The following TRMT9B variants were observed in gnomAD, a reference collection of about 807,000 sequenced individuals.
The protein encoded by TRMT9B is tRNA methyltransferase 9B (putative), also known as probable tRNA methyltransferase 9B.
In TRMT9B, 16 loss-of-function variants were observed where a neutral mutation model predicts 11.5. The observed-to-expected ratio is 1.39, with a 90% CI of 0.94 to 2.11. TRMT9B has a LOEUF of 2.11. Among genes scored for constraint, TRMT9B ranks in the 30% most tolerant of loss-of-function variants. The pLI is 0.00. For missense variants in TRMT9B, 941 were observed against 553.8 expected, an observed-to-expected ratio of 1.70 and a Z score of -7.02; for synonymous variants, 274 against 192.4, an observed-to-expected ratio of 1.42 and a Z score of -3.51.
At position 12,952,211 on chromosome 8, in the gene TRMT9B, G is replaced by A. The variant is rs748364262; in HGVS notation, c.-200+6245G>A. ...CGTGCGGAAAGCGCCGGCGACCGGA[G>A]CACTGACAATGGTCTGCATAGGGGA... On this transcript the variant is annotated intron_variant, in intron 1 of 4. Transcript: ENST00000524591. 5 of 450,818 alleles carry A rather than the reference G, an allele frequency of 1.1e-5. No homozygotes were observed. The Admixed American group carries it at 1.2e-4, about 11-fold the overall frequency. The allele number at this position is 450,818 out of a possible 1,614,324, so 27.9% of individuals were successfully genotyped here.
chr8:13,018,918 C>A (rs1160892732), intron 4 of TRMT9B, among the ~76,000 whole-genome samples: 1 of 152,108 alleles, frequency 6.6e-6, no homozygotes, highest in African/African-American at 2.4e-5. Context: ...CACAAACATG[C>A]AGAAAATGTG....
chr8:12,972,305 G>T lies in TRMT9B; in HGVS notation c.-199-18529G>T, dbSNP rs182661326. 2.0e-3 allele frequency among the ~76,000 whole-genome samples: 308 copies of T among 152,292 alleles called. 2 individuals carry two copies. The highest frequency in any genetic ancestry group is 3.3e-3 in the Non-Finnish European group (225 of 68,022). ...CCCAGACTCCCGTGGAGGCGGGGCT[G>T]GCCGGCTGGTGCGGAGACTTTGAGA... On this transcript the variant is annotated intron_variant, in intron 1 of 4. Transcript: ENST00000524591.
At chr8:13,009,887 G>T (rs1009945922) in intron 3 of TRMT9B, among the ~76,000 whole-genome samples, 2 of 152,114 alleles carry the variant, frequency 1.3e-5, no homozygotes, top group African/African-American at 4.8e-5. Context: ...CTAGCACTTT[G>T]GGAGGTGTGG....
intron 4 of TRMT9B, among the ~76,000 whole-genome samples, chr8:13,020,706 CTTTATGGA>C (rs1461498727): frequency 6.6e-6 from 1 of 152,158 alleles, no homozygotes; most frequent in Non-Finnish European, 1.5e-5. Flanking sequence ...CTGGAAGAGA[CTTTATGGA>C]TTTATGGACT....
Position 13,025,842 on chromosome 8 carries a change from C to T in TRMT9B, c.*3798C>T, listed in dbSNP as rs1421643288. The T allele has an allele frequency of 6.0e-6, 1 of 166,828 alleles. No individual in the cohort carries two copies. Among genetic ancestry groups the T allele is most frequent in the African/African-American group, 2.4e-5 (1 of 41,436 alleles). 10.3% of individuals were successfully genotyped at this position (166,828 alleles called of 1,614,324 possible). ...TCTCGTTTGCCTTTCTATTTCCTTC[C>T]AAATTCTACATGCCAGTAATTCCTC... On this transcript the variant is annotated 3_prime_UTR_variant, in exon 5 of 5. Coordinates refer to ENST00000524591, the MANE Select transcript of TRMT9B (RefSeq NM_020844.3).
At chr8:12,975,194 C>T (rs574468702) in intron 1 of TRMT9B, among the ~76,000 whole-genome samples, 1 of 152,030 alleles carries the variant, frequency 6.6e-6, no homozygotes, top group East Asian at 1.9e-4. Flanking sequence ...ATAGTTCATC[C>T]TCATCTCTCT....
intron 1 of TRMT9B, among the ~76,000 whole-genome samples, chr8:12,986,242 T>C (rs938788570): frequency 1.3e-5 from 2 of 152,178 alleles, no homozygotes; most frequent in Admixed American, 1.3e-4. Context: ...AGAGACAATA[T>C]GCCCAAGTCT....
intron 3 of TRMT9B, chr8:13,010,555 A>G: frequency 1.0e-6 from 1 of 985,270 alleles, no homozygotes; most frequent in Non-Finnish European, 1.2e-6. Flanking sequence ...GGCCATTAGA[A>G]ATGAATAGGG....
chr8:13,012,069 T>C lies in TRMT9B; in HGVS notation c.155-615T>C, dbSNP rs567257783. 1.6e-5 allele frequency: 16 copies of C among 985,368 alleles called. No homozygotes were observed. In the African/African-American group the frequency reaches 1.9e-4, roughly 12 times the overall value. The allele number at this position is 985,368 out of a possible 1,614,324, so 61.0% of individuals were successfully genotyped here. A position where few individuals can be genotyped will look rare whatever the true frequency, so the allele number is the denominator to read the frequency against. ...CGTGGTCTCTCGGATACTAGAACTATCTTTCTTGCCTTGGACCAGCTAACG... is the reference window on the plus strand; with the variant it reads ...CGTGGTCTCTCGGATACTAGAACTACCTTTCTTGCCTTGGACCAGCTAACG... On this transcript the variant is annotated intron_variant, in intron 3 of 4. Transcript: ENST00000524591.
intron 2 of TRMT9B, 67 bp downstream of exon 2, chr8:12,991,098 G>A (rs1807254754): frequency 5.4e-6 from 4 of 735,362 alleles, no homozygotes; most frequent in Admixed American, 4.3e-5. Flanking sequence ...TGCATATTTA[G>A]TGAACCTAAT....
Position 12,999,487 on chromosome 8 carries a change from A to G in TRMT9B, c.-1-6715A>G, listed in dbSNP as rs1164676077. 2.6e-5 allele frequency among the ~76,000 whole-genome samples: 4 copies of G among 152,288 alleles called. No individual in the cohort carries two copies. In the East Asian group the frequency reaches 5.8e-4, roughly 22 times the overall value. On this transcript the variant is annotated intron_variant, in intron 2 of 4. Transcript: ENST00000524591. ...ACATCAAATTATATACTTTAAATAT[A>G]TGCAGTTTGTTATATGTCAATTATA...
intron 2 of TRMT9B, among the ~76,000 whole-genome samples, chr8:13,000,926 G>C (rs541029405): frequency 6.6e-6 from 1 of 152,094 alleles, no homozygotes; most frequent in African/African-American, 2.4e-5. Flanking sequence ...ACCTCAGGAC[G>C]CAAGGCTGGT....
intron 1 of TRMT9B, among the ~76,000 whole-genome samples, chr8:12,987,468 A>T (rs927477990): frequency 6.6e-6 from 1 of 152,128 alleles, no homozygotes; most frequent in African/African-American, 2.4e-5. Context: ...AGGCAGGAGG[A>T]CTGTTTGAGC....
chr8:12,980,986 G>A (rs980376007), intron 1 of TRMT9B, among the ~76,000 whole-genome samples: 2 of 151,930 alleles, frequency 1.3e-5, no homozygotes, highest in African/African-American at 2.4e-5. Context: ...CATGATAGAA[G>A]CAACACATTG....
At chr8:12,947,848 T>A (rs1800338284) in intron 1 of TRMT9B, among the ~76,000 whole-genome samples, 1 of 152,208 alleles carries the variant, frequency 6.6e-6, no homozygotes, top group African/African-American at 2.4e-5. Flanking sequence ...ATTGAATTGG[T>A]CACATTTGGA....
Position 13,027,897 on chromosome 8 carries a change from A to C in TRMT9B, c.*5853A>C, listed in dbSNP as rs1814884127. The C allele has an allele frequency of 6.0e-6, 1 of 167,096 alleles. No homozygotes were observed. The highest frequency in any genetic ancestry group is 1.5e-5 in the Non-Finnish European group (1 of 68,128). 10.4% of individuals were successfully genotyped at this position (167,096 alleles called of 1,614,324 possible). ...AAAATTATGATTATTTTGATTATTT[A>C]ATGATTGTTTTGATAGTATAAACTC... On this transcript the variant is annotated 3_prime_UTR_variant, in exon 5 of 5. Transcript: ENST00000524591.
intron 2 of TRMT9B, among the ~76,000 whole-genome samples, chr8:13,000,932 C>T (rs1481935229): frequency 6.6e-6 from 1 of 152,072 alleles, no homozygotes; most frequent in African/African-American, 2.4e-5. Flanking sequence ...GGACGCAAGG[C>T]TGGTACTGTA....
chr8:12,962,593 C>T (rs369319034), intron 1 of TRMT9B, among the ~76,000 whole-genome samples: 38 of 152,148 alleles, frequency 2.5e-4, no homozygotes, highest in African/African-American at 8.9e-4. Flanking sequence ...TGGGTTCAAG[C>T]GATCCTCGTA....
chr8:13,016,121 A>ATG (rs1453301332), intron 4 of TRMT9B, among the ~76,000 whole-genome samples: 1 of 145,116 alleles, frequency 6.9e-6, no homozygotes, highest in Non-Finnish European at 1.5e-5. Context: ...ATATATATAT[A>ATG]CATATAACAT....
Sources: gnomAD v4.1 joint callset for allele counts (sites outside exome capture counted in the v4.1 genomes callset) on GRCh38, gnomAD v4.1.1 for gene constraint, MANE v1.5 for transcripts, NCBI Gene and HGNC (gene_info 2026-07-23, HGNC 2026-07-21) for gene names.